PDE4D: variants seen among roughly 807,000 people sequenced by gnomAD.
PDE4D encodes the protein phosphodiesterase 4D, also known as 3',5'-cyclic-AMP phosphodiesterase 4D.
A neutral mutation model predicts 87.4 loss-of-function variants in PDE4D; 24 were observed. That is an observed-to-expected ratio of 0.27 (90% CI 0.20 to 0.39). The LOEUF is 0.39. PDE4D is among the 10% of genes least tolerant of loss of function. The pLI is 1.00. For synonymous variants in PDE4D, 384 were observed against 383.2 expected, an observed-to-expected ratio of 1.00 and a Z score of -0.02; for missense variants, 714 against 1,041.0, an observed-to-expected ratio of 0.69 and a Z score of 4.32.
At chr5:60,004,794 T>C (rs1764319161) in intron 2 of PDE4D, among the ~76,000 whole-genome samples, 1 of 152,142 alleles carries the variant, frequency 6.6e-6, no homozygotes, top group Admixed American at 6.6e-5. Flanking sequence ...CCCATTAGGA[T>C]GGTCATAAAA....
At chr5:60,339,868 G>C (rs980916119) in intron 1 of PDE4D, among the ~76,000 whole-genome samples, 2 of 152,222 alleles carry the variant, frequency 1.3e-5, no homozygotes, top group Non-Finnish European at 2.9e-5. Flanking sequence ...TGTTCTGCAT[G>C]GATGTGTTCC....
intron 1 of PDE4D, among the ~76,000 whole-genome samples, chr5:59,530,915 A>T (rs796938754): frequency 4.6e-5 from 7 of 152,308 alleles, no homozygotes; most frequent in African/African-American, 1.7e-4. Context: ...GATGGTCCAA[A>T]AAGACTCAGT....
intron 1 of PDE4D, among the ~76,000 whole-genome samples, chr5:59,830,294 G>T (rs1740986056): frequency 6.6e-6 from 1 of 150,458 alleles, no homozygotes; most frequent in South Asian, 2.1e-4. Context: ...AGGGATATAA[G>T]GATTAATACC....
At chr5:59,880,140 T>C (rs981145116) in intron 1 of PDE4D, among the ~76,000 whole-genome samples, 8 of 152,062 alleles carry the variant, frequency 5.3e-5, no homozygotes, top group African/African-American at 1.7e-4. Flanking sequence ...CTCACTCTTT[T>C]GCCCAGGCTG....
At chr5:60,256,634 T>A (rs1425384309) in intron 1 of PDE4D, among the ~76,000 whole-genome samples, 15 of 151,946 alleles carry the variant, frequency 9.9e-5, no homozygotes, top group Middle Eastern at 3.4e-3. Flanking sequence ...GTAAAATTAG[T>A]CCTACCTTAA....
intron 2 of PDE4D, among the ~76,000 whole-genome samples, chr5:60,173,382 G>T (rs549216377): frequency 6.6e-6 from 1 of 152,120 alleles, no homozygotes; most frequent in South Asian, 2.1e-4. Flanking sequence ...AAACTTAAAA[G>T]CATTTTGCAA....
chr5:59,814,033 G>A (rs1253981906), intron 1 of PDE4D, among the ~76,000 whole-genome samples: 2 of 152,202 alleles, frequency 1.3e-5, no homozygotes, highest in Non-Finnish European at 2.9e-5. Flanking sequence ...AGGAAGACGA[G>A]ATAATTTAGC....
At chr5:60,124,804 G>A (rs911586883) in intron 2 of PDE4D, among the ~76,000 whole-genome samples, 3 of 151,870 alleles carry the variant, frequency 2.0e-5, no homozygotes, top group Non-Finnish European at 4.4e-5. Flanking sequence ...CTATGTTTTT[G>A]TTTATAGTAC....
At chr5:60,520,517 C>G (rs1468136801) in intron 1 of PDE4D, among the ~76,000 whole-genome samples, 1 of 152,208 alleles carries the variant, frequency 6.6e-6, no homozygotes, top group Non-Finnish European at 1.5e-5. Context: ...TTTGATTTTC[C>G]TCCTCATTCA....
At position 59,651,258 on chromosome 5, in the gene PDE4D, C is replaced by CAACAATAAT. The variant is rs551682264; in HGVS notation, c.455+241909_455+241910insATTATTGTT. Among the ~76,000 whole-genome samples the CAACAATAAT allele has an allele frequency of 2.4e-3, 336 of 142,254 alleles. 3 individuals are homozygous for CAACAATAAT. The highest frequency in any genetic ancestry group is 0.014 in the Middle Eastern group (4 of 276). 93.3% of individuals were successfully genotyped at this position (142,254 alleles called of 152,430 possible). A position where few individuals can be genotyped will look rare whatever the true frequency, so the allele number is the denominator to read the frequency against. ...GCAACAGAGTGAGACTCTGTCTCAA[C>CAACAATAAT]AATAATAATAATAATAATAATAATA... On this transcript the variant is annotated intron_variant, in intron 1 of 14. Coordinates refer to ENST00000340635, the MANE Select transcript of PDE4D (RefSeq NM_001104631.2).
chr5:59,925,414 A>T (rs1755149748), intron 3 of PDE4D, among the ~76,000 whole-genome samples: 1 of 152,176 alleles, frequency 6.6e-6, no homozygotes, highest in East Asian at 1.9e-4. Flanking sequence ...ATACTAGCAG[A>T]GAAAATCACC....
At chr5:59,997,704 G>T (rs1312270437) in intron 2 of PDE4D, among the ~76,000 whole-genome samples, 1 of 152,076 alleles carries the variant, frequency 6.6e-6, no homozygotes, top group African/African-American at 2.4e-5. Context: ...TGGATCAAAA[G>T]AATGTTTATA....
intron 1 of PDE4D, among the ~76,000 whole-genome samples, chr5:60,260,098 A>T (rs1250927890): frequency 6.6e-6 from 1 of 151,944 alleles, no homozygotes; most frequent in Admixed American, 6.6e-5. Flanking sequence ...GGTTCATTTA[A>T]TCTTTGCCTC....
At chr5:59,267,256 A>T (rs1763000249) in intron 1 of PDE4D, among the ~76,000 whole-genome samples, 1 of 152,110 alleles carries the variant, frequency 6.6e-6, no homozygotes, top group Non-Finnish European at 1.5e-5. Flanking sequence ...TGACTAAAAT[A>T]GTATCAGTCA....
chr5:60,231,020 T>C (rs1355653319), intron 1 of PDE4D, among the ~76,000 whole-genome samples: 2 of 152,036 alleles, frequency 1.3e-5, no homozygotes, highest in Non-Finnish European at 2.9e-5. Context: ...AAGGTAGAAG[T>C]TTGTTACAGA....
At chr5:60,059,883 C>G (rs1238609332) in intron 2 of PDE4D, among the ~76,000 whole-genome samples, 8 of 151,968 alleles carry the variant, frequency 5.3e-5, no homozygotes, top group Admixed American at 5.3e-4. Flanking sequence ...CTGGCATGTT[C>G]TGATCCCCCC....
intron 1 of PDE4D, chr5:59,430,379 TC>T (rs1795933773): frequency 6.5e-6 from 8 of 1,231,250 alleles, no homozygotes; most frequent in Non-Finnish European, 8.1e-6. Context: ...CTAGCCACCT[TC>T]CCCAGAGTCA....
At chr5:60,282,611 G>T (rs192356977) in intron 1 of PDE4D, among the ~76,000 whole-genome samples, 28 of 152,204 alleles carry the variant, frequency 1.8e-4, no homozygotes, top group Admixed American at 9.2e-4. Context: ...ATAAAGACAC[G>T]TTTTGTTGGG....
At chr5:58,976,258 G>T (rs1242704189) in intron 13 of PDE4D, 92 bp downstream of exon 13, 1 of 1,333,564 alleles carries the variant, frequency 7.5e-7, no homozygotes, top group Non-Finnish European at 1.0e-6. Context: ...GGTGGGAGAA[G>T]GAAGAAATAC....
Sources: allele counts gnomAD v4.1 joint callset (sites outside exome capture counted in the v4.1 genomes callset), GRCh38; gene constraint gnomAD v4.1.1; transcripts MANE v1.5; gene names NCBI Gene and HGNC (gene_info 2026-07-23, HGNC 2026-07-21).